HDAC8: variants seen among roughly 807,000 people sequenced by gnomAD.
The protein encoded by HDAC8 is histone deacetylase 8, also known as histone deacetylase-like 1.
Under a neutral mutation model 32.2 loss-of-function variants are expected in HDAC8, and 1 was observed. The ratio of observed to expected loss-of-function variants is 0.03; its 90% CI spans 0.01 to 0.15. HDAC8 has a LOEUF of 0.15. Ranked by LOEUF, HDAC8 falls within the 10% of genes least tolerant of loss-of-function variation. The pLI, the probability that HDAC8 is intolerant of heterozygous loss-of-function variation, is 1.00. For missense variants in HDAC8, 117 were observed against 300.0 expected (o/e 0.39, Z 4.51); for synonymous variants, 108 against 113.9 (o/e 0.95, Z 0.33).
At position 72,545,916 on chromosome X, in the gene HDAC8, AT is replaced by A. The variant is rs782818790; in HGVS notation, c.437+21972del. ...TCCAGATCTCCATTTTCATGCAGTT[AT>A]TTATTTGTTTATAAAGGCTGGAGCT... On this transcript the variant is annotated intron_variant, in intron 4 of 10. Transcript: ENST00000373573. Among the ~76,000 whole-genome samples, 150 of 111,726 alleles carry A rather than the reference AT, an allele frequency of 1.3e-3. 4 individuals are homozygous for A. The South Asian group carries it at 0.03, about 22-fold the overall frequency.
At chrX:72,456,389 C>A (rs1284305681) in intron 9 of HDAC8, among the ~76,000 whole-genome samples, 1 of 111,401 alleles carries the variant, frequency 9.0e-6, no homozygotes, top group African/African-American at 3.3e-5. Flanking sequence ...AAATATATGA[C>A]TACAATAGCA....
intron 9 of HDAC8, among the ~76,000 whole-genome samples, chrX:72,356,858 A>G (rs1411273678): frequency 8.9e-6 from 1 of 111,884 alleles, no homozygotes; most frequent in Non-Finnish European, 1.9e-5. Flanking sequence ...TGCTGGGATT[A>G]GAGGCACGAG....
chrX:72,478,000 G>A (rs992538187), intron 7 of HDAC8, among the ~76,000 whole-genome samples: 10 of 112,173 alleles, frequency 8.9e-5, no homozygotes, highest in Non-Finnish European at 1.1e-4. Context: ...ATCAAGTGGC[G>A]CTCCGCTTCT....
intron 7 of HDAC8, among the ~76,000 whole-genome samples, chrX:72,481,666 C>A (rs1306614143): frequency 1.8e-5 from 2 of 108,444 alleles, no homozygotes; most frequent in Non-Finnish European, 3.8e-5. Context: ...TACAGTGGCA[C>A]AATTTCAGCT....
chrX:72,431,930 C>T (rs955849456), intron 9 of HDAC8, among the ~76,000 whole-genome samples: 2 of 111,490 alleles, frequency 1.8e-5, no homozygotes, highest in African/African-American at 6.5e-5. Context: ...AGGCATTTGC[C>T]CAATGTCACA....
intron 10 of HDAC8, among the ~76,000 whole-genome samples, chrX:72,332,813 G>A (rs1163569932): frequency 1.8e-5 from 2 of 109,854 alleles, no homozygotes; most frequent in Admixed American, 9.7e-5. Context: ...CACCATGCTC[G>A]ACTAATTTTT....
intron 4 of HDAC8, among the ~76,000 whole-genome samples, chrX:72,543,711 G>C (rs910632718): frequency 1.8e-5 from 2 of 112,651 alleles, no homozygotes; most frequent in African/African-American, 6.4e-5. Flanking sequence ...ACCTGGGTAG[G>C]CATTGGTTAA....
intron 9 of HDAC8, among the ~76,000 whole-genome samples, chrX:72,390,707 A>G (rs2045590937): frequency 9.0e-6 from 1 of 111,686 alleles, no homozygotes; most frequent in Non-Finnish European, 1.9e-5. Flanking sequence ...CTGAAGAAGT[A>G]TATCTTTAAT....
intron 9 of HDAC8, among the ~76,000 whole-genome samples, chrX:72,404,332 T>C (rs182196847): frequency 2.2e-4 from 25 of 111,776 alleles, no homozygotes; most frequent in Admixed American, 2.0e-3. Flanking sequence ...AGTTTAGAGT[T>C]AATATATTTG....
chrX:72,417,917 C>T (rs2046389605), intron 9 of HDAC8, among the ~76,000 whole-genome samples: 1 of 111,379 alleles, frequency 9.0e-6, no homozygotes, highest in South Asian at 3.7e-4. Context: ...TACAGCTGCA[C>T]AACTACAACC....
At chrX:72,482,611 G>GA (rs2048543613) in intron 7 of HDAC8, among the ~76,000 whole-genome samples, 1 of 110,500 alleles carries the variant, frequency 9.0e-6, no homozygotes, top group Non-Finnish European at 1.9e-5. Context: ...TTGGGGGGGG[G>GA]GATTTTCTGC....
chrX:72,524,708 G>A (rs782535111), intron 4 of HDAC8, among the ~76,000 whole-genome samples: 2 of 110,974 alleles, frequency 1.8e-5, no homozygotes, highest in African/African-American at 3.3e-5. Context: ...ACAATTCCAC[G>A]TCCATGCACA....
intron 4 of HDAC8, among the ~76,000 whole-genome samples, chrX:72,525,587 G>T (rs1476064053): frequency 9.1e-6 from 1 of 109,837 alleles, no homozygotes; most frequent in South Asian, 4.0e-4. Context: ...GCCAAGGCGG[G>T]TGGATCACGA....
At chrX:72,516,836 T>C (rs1184712047) in intron 4 of HDAC8, among the ~76,000 whole-genome samples, 1 of 112,392 alleles carries the variant, frequency 8.9e-6, no homozygotes, top group African/African-American at 3.2e-5. Flanking sequence ...AGCCCCATGG[T>C]CCATAAGGCC....
At chrX:72,424,965 G>A (rs782110479) in intron 9 of HDAC8, among the ~76,000 whole-genome samples, 13 of 112,049 alleles carry the variant, frequency 1.2e-4, no homozygotes, top group Non-Finnish European at 2.4e-4. Context: ...TCTGTTGATG[G>A]TTATTTGGGT....
chrX:72,570,098 G>C (rs782180270), intron 2 of HDAC8, among the ~76,000 whole-genome samples: 1 of 111,955 alleles, frequency 8.9e-6, no homozygotes, highest in Non-Finnish European at 1.9e-5. Context: ...AAGAAATCCT[G>C]TGGTTTGGCC....
chrX:72,513,367 C>T (rs1556023025), intron 4 of HDAC8, among the ~76,000 whole-genome samples: 1 of 107,492 alleles, frequency 9.3e-6, no homozygotes, highest in African/African-American at 3.4e-5. Flanking sequence ...TCTCTGTCAT[C>T]CAGGCTGGAG....
intron 10 of HDAC8, among the ~76,000 whole-genome samples, chrX:72,343,550 T>C (rs2043945659): frequency 8.9e-6 from 1 of 111,845 alleles, no homozygotes; most frequent in Admixed American, 9.5e-5. Flanking sequence ...GAGAGGTCTT[T>C]ACTGAATAGC....
intron 9 of HDAC8, among the ~76,000 whole-genome samples, chrX:72,456,380 A>C (rs957104016): frequency 2.7e-5 from 3 of 112,372 alleles, no homozygotes; most frequent in Middle Eastern, 4.6e-3. Flanking sequence ...GCAAAAGTAA[A>C]ATATATGACT....
Sources: gnomAD v4.1 joint callset for allele counts (sites outside exome capture counted in the v4.1 genomes callset) on GRCh38, gnomAD v4.1.1 for gene constraint, MANE v1.5 for transcripts, NCBI Gene and HGNC (gene_info 2026-07-23, HGNC 2026-07-21) for gene names.